The following CLDN16 variants were observed in gnomAD, a reference collection of about 807,000 sequenced individuals.
CLDN16 encodes the protein claudin 16, also known as claudin-16.
A neutral mutation model predicts 24.6 loss-of-function variants in CLDN16; 13 were observed. That is an observed-to-expected ratio of 0.53 (90% CI 0.34 to 0.84). The LOEUF (loss-of-function observed/expected upper bound fraction) is 0.84, where lower values mean the gene tolerates loss of function less well. CLDN16 is among the 40% of genes least tolerant of loss of function. The pLI is 0.01. For missense variants in CLDN16, 298 were observed against 292.7 expected, an observed-to-expected ratio of 1.02 and a Z score of -0.13; for synonymous variants, 116 against 106.7, an observed-to-expected ratio of 1.09 and a Z score of -0.54.
At chr3:190,400,805 C>G (rs1337948039) in intron 1 of CLDN16, among the ~76,000 whole-genome samples, 1 of 152,052 alleles carries the variant, frequency 6.6e-6, no homozygotes, top group African/African-American at 2.4e-5. Flanking sequence ...TACTGATTTC[C>G]TTTCCTTTGA....
chr3:190,300,998 A>G, the CLDN16 span, among the ~76,000 whole-genome samples: 1 of 152,212 alleles, frequency 6.6e-6, no homozygotes, highest in African/African-American at 2.4e-5. Context: ...TGCCATTATT[A>G]ACCAGCTAGC....
the CLDN16 span, among the ~76,000 whole-genome samples, chr3:190,312,245 T>C: frequency 1.3e-5 from 2 of 152,156 alleles, no homozygotes; most frequent in Non-Finnish European, 2.9e-5. Context: ...AAACACGTAT[T>C]TATTTTAAAT....
chr3:190,358,093 GA>G lies in CLDN16; in HGVS notation n.122-12792del, dbSNP rs556589639. On this transcript the variant is annotated intron_variant and non_coding_transcript_variant, in intron 1 of 4. Transcript: ENST00000468220. ...CGTATTGGTGGATAAGCAGTATTACGAAAAAAAAGAAAAGAATCTGGATCTT... is the reference window on the plus strand; with the variant it reads ...CGTATTGGTGGATAAGCAGTATTACGAAAAAAAGAAAAGAATCTGGATCTT... 9.9e-5 allele frequency among the ~76,000 whole-genome samples: 15 copies of G among 151,238 alleles called. No individual in the cohort carries two copies. The East Asian group carries it at 1.8e-3, about 18-fold the overall frequency.
chr3:190,355,890 T>C (rs984558533), intron 1 of CLDN16, among the ~76,000 whole-genome samples: 20 of 150,424 alleles, frequency 1.3e-4, no homozygotes, highest in Non-Finnish European at 2.8e-4. Flanking sequence ...TTTTTGTTTG[T>C]TGGTTGGTTC....
At chr3:190,301,281 G>T in the CLDN16 span, among the ~76,000 whole-genome samples, 6 of 152,060 alleles carry the variant, frequency 3.9e-5, no homozygotes, top group African/African-American at 1.4e-4. Flanking sequence ...AATTACCTGA[G>T]GTCAGGAGTT....
chr3:190,378,205 G>T (rs963329976), intron 3 of CLDN16, among the ~76,000 whole-genome samples: 53 of 151,904 alleles, frequency 3.5e-4, no homozygotes, highest in African/African-American at 1.2e-3. Context: ...TCAAAGAAAA[G>T]GTCACGTATG....
chr3:190,335,573 G>A lies in CLDN16; in HGVS notation n.121+12912G>A, dbSNP rs184753696. On this transcript the variant is annotated intron_variant and non_coding_transcript_variant, in intron 1 of 4. Coordinates refer to the CLDN16 transcript ENST00000468220. ...ACTAAAATACAAAAAACATTTGGGC[G>A]TGGTGGTGCATGCCTGTAGCCCCAG... Among the ~76,000 whole-genome samples the A allele has an allele frequency of 2.2e-4, 33 of 152,052 alleles. No homozygotes were observed. In the East Asian group the frequency reaches 2.5e-3, roughly 12 times the overall value.
chr3:190,389,709 A>G (rs17445040), intron 1 of CLDN16, among the ~76,000 whole-genome samples: 28,363 of 152,198 alleles, frequency 0.19, 3,085 homozygotes, highest in Middle Eastern at 0.29. Flanking sequence ...AATATATGCA[A>G]AGAATGAAAT....
At position 190,408,359 on chromosome 3, in the gene CLDN16, A is replaced by G; in HGVS notation, c.428A>G (p.Tyr143Cys). 1 of 1,614,108 alleles carries G rather than the reference A, an allele frequency of 6.2e-7. No individual in the cohort carries two copies. The highest frequency in any genetic ancestry group is 8.5e-7 in the Non-Finnish European group (1 of 1,180,020). The change falls in exon 4 of 5, where the codon TAT (tyrosine) becomes TGT (cysteine). Residue 143 changes from tyrosine (Y) to cysteine (C), a missense_variant. By Grantham distance (194) the Tyr-to-Cys change is radical. Coordinates refer to ENST00000264734, the MANE Select transcript of CLDN16 (RefSeq NM_006580.4). The stretch of plus-strand genomic sequence containing the variant: ...TCTGTGTGGTATGCTGTTGATGTGT[A>G]TGTGGAACGTTCTACTTTGGTTTTG... ...IGSVWYAVDV[Y>C]VERSTLVLHN...
chr3:190,341,108 C>T (rs553084575), intron 1 of CLDN16, among the ~76,000 whole-genome samples: 2 of 152,262 alleles, frequency 1.3e-5, no homozygotes, highest in Admixed American at 6.5e-5. Context: ...TTTCCAGGTA[C>T]ACAGTGCAAG....
At chr3:190,291,253 T>G in the CLDN16 span, among the ~76,000 whole-genome samples, 1 of 152,208 alleles carries the variant, frequency 6.6e-6, no homozygotes, top group Non-Finnish European at 1.5e-5. Context: ...AAAGGCCATG[T>G]ATTAGTCTGT....
intron 1 of CLDN16, among the ~76,000 whole-genome samples, chr3:190,348,412 C>A (rs1005289288): frequency 6.6e-6 from 1 of 151,414 alleles, no homozygotes; most frequent in African/African-American, 2.4e-5. Context: ...TATACACACC[C>A]ACACTGATTT....
At chr3:190,374,758 A>G (rs1718212697) in intron 3 of CLDN16, among the ~76,000 whole-genome samples, 1 of 152,026 alleles carries the variant, frequency 6.6e-6, no homozygotes, top group African/African-American at 2.4e-5. Context: ...AACAAAAAAG[A>G]AAGTTTGTTT....
upstream of CLDN16, chr3:190,322,202 G>A (rs1294938011): frequency 1.2e-6 from 2 of 1,613,522 alleles, no homozygotes; most frequent in Non-Finnish European, 8.5e-7. Context: ...CCCCGCGTTG[G>A]CCATGACTCG....
the CLDN16 span, chr3:190,307,214 C>A: frequency 6.6e-6 from 1 of 152,544 alleles, no homozygotes; most frequent in Non-Finnish European, 1.5e-5. Flanking sequence ...CAGATTATCA[C>A]TCCAGAAAGT....
At chr3:190,338,226 C>T (rs1717354048) in intron 1 of CLDN16, among the ~76,000 whole-genome samples, 2 of 152,168 alleles carry the variant, frequency 1.3e-5, no homozygotes, top group South Asian at 4.1e-4. Context: ...GATATGCTTT[C>T]ACTCAGGGAC....
chr3:190,404,456 G>C (rs944829588), intron 2 of CLDN16, among the ~76,000 whole-genome samples: 1 of 152,296 alleles, frequency 6.6e-6, no homozygotes, highest in East Asian at 1.9e-4. Flanking sequence ...ACATTTTCCA[G>C]AGTAGGAGGC....
intron 1 of CLDN16, among the ~76,000 whole-genome samples, chr3:190,326,999 G>A (rs780502741): frequency 2.0e-5 from 3 of 152,122 alleles, no homozygotes; most frequent in African/African-American, 7.2e-5. Flanking sequence ...CTTTATTAGT[G>A]GGAGTTCTCC....
intron 1 of CLDN16, among the ~76,000 whole-genome samples, chr3:190,350,292 GC>G (rs1465156155): frequency 6.7e-6 from 1 of 149,604 alleles, no homozygotes; most frequent in Non-Finnish European, 1.5e-5. Context: ...AAATGATAAA[GC>G]TTTTCTACAT....
Sources: allele counts gnomAD v4.1 joint callset (sites outside exome capture counted in the v4.1 genomes callset), GRCh38; gene constraint gnomAD v4.1.1; transcripts MANE v1.5; gene names NCBI Gene and HGNC (gene_info 2026-07-23, HGNC 2026-07-21).